TMEM243: variants seen among roughly 807,000 people sequenced by gnomAD.
TMEM243 encodes transmembrane protein 243, also known as MDR1 and mitochondrial taxol resistance associated.
In TMEM243, 20 loss-of-function variants were observed where a neutral mutation model predicts 15.0. That is an observed-to-expected ratio of 1.33 (90% CI 0.94 to 1.93). The LOEUF is 1.93. Ranked by LOEUF, TMEM243 falls within the 30% of genes most tolerant of loss-of-function variation. The probability of loss-of-function intolerance (pLI) is 0.00; values close to 1 mark genes in which losing one functional copy is unlikely to be tolerated. For synonymous variants in TMEM243, 72 were observed against 52.7 expected (o/e 1.37, Z -1.59); for missense variants, 156 against 142.1 (o/e 1.10, Z -0.50).
chr7:87,210,797 C>G (rs912243960), intron 1 of TMEM243, among the ~76,000 whole-genome samples: 1 of 152,200 alleles, frequency 6.6e-6, no homozygotes, highest in Admixed American at 6.5e-5. Flanking sequence ...CAATCCATAA[C>G]GGCTCCCCCT....
chr7:87,209,428 GAGTGAGACAGAGATTGAGAC>G (rs938710959), intron 1 of TMEM243, among the ~76,000 whole-genome samples: 7 of 151,778 alleles, frequency 4.6e-5, no homozygotes, highest in African/African-American at 1.7e-4. Flanking sequence ...GAGTGAAAGA[GAGTGAGACAGAGATTGAGAC>G]AGTGAGACAG....
At chr7:87,205,024 C>T (rs7792031) in intron 1 of TMEM243, among the ~76,000 whole-genome samples, 103,246 of 152,180 alleles carry the variant, frequency 0.68, 36,336 homozygotes, top group Middle Eastern at 0.85. Flanking sequence ...TGCGCACCTG[C>T]GGACCCAGCA....
rs1803335750 is a variant in TMEM243, at chr7:87,219,409, T to C, written c.78+17A>G. On this transcript the variant is annotated intron_variant, in intron 1 of 3. Transcript: ENST00000257637. ...ACACACCCCCCATCCCAGTCTGGAG[T>C]CACAATCCGCACTCACCTTGGCGGA... 5 of 1,613,286 alleles carry C rather than the reference T, an allele frequency of 3.1e-6. No homozygotes were observed. Among genetic ancestry groups the C allele is most frequent in the Non-Finnish European group, 2.5e-6 (3 of 1,179,424 alleles).
chr7:87,213,492 A>G (rs916374293), intron 1 of TMEM243, among the ~76,000 whole-genome samples: 2 of 152,150 alleles, frequency 1.3e-5, no homozygotes, highest in Non-Finnish European at 2.9e-5. Context: ...TAAAGCCTGC[A>G]CTCCTCAGAG....
chr7:87,211,699 T>A (rs935024565), intron 1 of TMEM243, among the ~76,000 whole-genome samples: 3 of 152,182 alleles, frequency 2.0e-5, no homozygotes, highest in Non-Finnish European at 4.4e-5. Context: ...TCAGGCCCTG[T>A]GTCCAGGGAT....
At position 87,196,313 on chromosome 7, in the gene TMEM243, A is replaced by G; in HGVS notation, c.*323T>C. ...TATTCAGTTTAACAGAAATAAAAGA[A>G]TATTTGTCTTAAGATGCAAGATTTG... On this transcript the variant is annotated 3_prime_UTR_variant, in exon 4 of 4. Transcript: ENST00000257637. 4.9e-6 allele frequency: 1 copy of G among 202,548 alleles called. No homozygotes were observed. Among genetic ancestry groups the G allele is most frequent in the Non-Finnish European group, 9.9e-6 (1 of 101,456 alleles). The allele number at this position is 202,548 out of a possible 1,614,324, so 12.5% of individuals were successfully genotyped here.
chr7:87,214,519 G>A (rs1377977612), intron 1 of TMEM243, among the ~76,000 whole-genome samples: 3 of 152,192 alleles, frequency 2.0e-5, no homozygotes, highest in African/African-American at 7.2e-5. Context: ...CTGGAGTTAA[G>A]AATTGAGTAA....
intron 1 of TMEM243, chr7:87,218,596 T>C (rs1803273221): frequency 6.6e-6 from 1 of 152,258 alleles, no homozygotes; most frequent in Non-Finnish European, 1.5e-5. Context: ...GCCACTTTTT[T>C]TTTTTTTTCC....
Position 87,219,407 on chromosome 7 carries a change from A to G in TMEM243, c.78+19T>C, listed in dbSNP as rs748357321. The G allele has an allele frequency of 1.9e-6, 3 of 1,612,818 alleles. No individual in the cohort carries two copies. Among genetic ancestry groups the G allele is most frequent in the Non-Finnish European group, 2.5e-6 (3 of 1,178,926 alleles). On this transcript the variant is annotated intron_variant, in intron 1 of 3. Transcript: ENST00000257637. Reference sequence around the variant, plus strand: ...AGACACACCCCCCATCCCAGTCTGGAGTCACAATCCGCACTCACCTTGGCG... The same window carrying G: ...AGACACACCCCCCATCCCAGTCTGGGGTCACAATCCGCACTCACCTTGGCG...
chr7:87,211,974 A>AC lies in TMEM243; in HGVS notation c.78+7451dup, dbSNP rs574449176. Among the ~76,000 whole-genome samples the AC allele has an allele frequency of 6.6e-5, 10 of 152,336 alleles. 1 individual carries two copies. The South Asian group carries it at 2.1e-3, about 32-fold the overall frequency. ...CATTTATGAGAATTTGGGCACACCC[A>AC]CCCTTTACAACTTTTACACTCGATT... On this transcript the variant is annotated intron_variant, in intron 1 of 3. Transcript: ENST00000257637.
intron 3 of TMEM243, among the ~76,000 whole-genome samples, chr7:87,197,484 A>G (rs1801392542): frequency 6.6e-6 from 1 of 152,024 alleles, no homozygotes; most frequent in African/African-American, 2.4e-5. Context: ...ATTTCCCAGG[A>G]GGTTTTGGTG....
intron 1 of TMEM243, among the ~76,000 whole-genome samples, chr7:87,218,170 T>C (rs1312298552): frequency 2.0e-5 from 3 of 152,160 alleles, no homozygotes; most frequent in Non-Finnish European, 2.9e-5. Flanking sequence ...CCTGACAGGG[T>C]TCCTTGGCTC....
intron 1 of TMEM243, 55 bp downstream of exon 1, chr7:87,219,371 G>A: frequency 6.4e-7 from 1 of 1,565,618 alleles, no homozygotes; most frequent in South Asian, 1.1e-5. Context: ...CTCCGCCAGA[G>A]GGCAGGCAGC....
intron 1 of TMEM243, among the ~76,000 whole-genome samples, chr7:87,201,478 A>G (rs1296459578): frequency 3.3e-5 from 5 of 152,222 alleles, no homozygotes; most frequent in Non-Finnish European, 7.3e-5. Context: ...ATTTTTAAAT[A>G]TTAAGTTCAA....
rs1281826849 is a variant in TMEM243 at position 87,199,046 on chromosome 7, G to A, written c.90C>T (p.Ile30=). 1 of 1,605,888 alleles carries A rather than the reference G, an allele frequency of 6.2e-7. No individual in the cohort carries two copies. The highest frequency in any genetic ancestry group is 1.3e-5 in the African/African-American group (1 of 74,144). The change falls in exon 2 of 4, where the codon ATC becomes ATT. Residue 30 remains isoleucine, a synonymous_variant. Transcript: ENST00000257637. ...ATGTTAAGCTGCCAACAACTAAATT[G>A]ATGATTCGATCCTGAAAGAGAAAAG... ...FGETSAKDRI[I]NLVVGSLTSL...
chr7:87,198,070 G>C (rs1366800073), intron 2 of TMEM243, 25 bp from the exon 3 acceptor site: 2 of 1,585,518 alleles, frequency 1.3e-6, no homozygotes, highest in Admixed American at 1.7e-5. Flanking sequence ...ATTATGTAAG[G>C]CCTTAACAGT....
chr7:87,217,210 A>C (rs971521983), intron 1 of TMEM243, among the ~76,000 whole-genome samples: 2 of 152,214 alleles, frequency 1.3e-5, no homozygotes, highest in Non-Finnish European at 2.9e-5. Flanking sequence ...CTGGGCTTTT[A>C]TTCTTTCTCG....
At chr7:87,200,562 A>T (rs1264135556) in intron 1 of TMEM243, among the ~76,000 whole-genome samples, 4 of 152,194 alleles carry the variant, frequency 2.6e-5, no homozygotes, top group African/African-American at 7.2e-5. Context: ...TCAAGCCAAT[A>T]TATCACTAAT....
At chr7:87,212,407 C>T (rs1440645897) in intron 1 of TMEM243, among the ~76,000 whole-genome samples, 1 of 152,098 alleles carries the variant, frequency 6.6e-6, no homozygotes, top group Non-Finnish European at 1.5e-5. Flanking sequence ...GTCACTATAC[C>T]CATACATAGC....
Sources: allele counts gnomAD v4.1 joint callset (sites outside exome capture counted in the v4.1 genomes callset), GRCh38; gene constraint gnomAD v4.1.1; transcripts MANE v1.5; gene names NCBI Gene and HGNC (gene_info 2026-07-23, HGNC 2026-07-21).